Variants in LSAMP observed in about 807,000 individuals in gnomAD.
The protein encoded by LSAMP is limbic system associated membrane protein, also known as limbic system-associated membrane protein.
Under a neutral mutation model 38.6 loss-of-function variants are expected in LSAMP, and 7 were observed. The ratio of observed to expected loss-of-function variants is 0.18; its 90% confidence interval spans 0.10 to 0.34. The LOEUF is 0.34. Among genes scored for constraint, LSAMP ranks in the 10% least tolerant of loss-of-function variants. The probability of loss-of-function intolerance (pLI) is 1.00; values close to 1 mark genes in which losing one functional copy is unlikely to be tolerated. For missense variants in LSAMP, 313 were observed against 420.0 expected, an observed-to-expected ratio of 0.75 and a Z score of 2.23; for synonymous variants, 154 against 166.8, an observed-to-expected ratio of 0.92 and a Z score of 0.59.
At chr3:115,951,616 T>C (rs1456107814) in intron 3 of LSAMP, among the ~76,000 whole-genome samples, 1 of 152,146 alleles carries the variant, frequency 6.6e-6, no homozygotes, top group African/African-American at 2.4e-5. Flanking sequence ...TCTAATCAGC[T>C]GCCAGTGTGG....
chr3:116,435,255 C>A (rs2049334440), intron 1 of LSAMP, among the ~76,000 whole-genome samples: 1 of 152,104 alleles, frequency 6.6e-6, no homozygotes. Context: ...ACTAGGTTAC[C>A]CATCTTGGTA....
In LSAMP at chr3:115,806,471, A is replaced by C. The variant is rs1933633636; in HGVS notation, c.*3846T>G. ...ATCTGCGACTCTGGAGGATTCAAGA[A>C]GCTCACAACTTGGTAAAGTAATAAC... On this transcript the variant is annotated 3_prime_UTR_variant, in exon 7 of 7. Transcript: ENST00000490035. The C allele has an allele frequency of 6.6e-6, 1 of 152,246 alleles. No individual in the cohort carries two copies. The highest frequency in any genetic ancestry group is 1.5e-5 in the Non-Finnish European group (1 of 68,042). The allele number at this position is 152,246 out of a possible 1,614,324, so 9.4% of individuals were successfully genotyped here. A position where few individuals can be genotyped will look rare whatever the true frequency, so the allele number is the denominator to read the frequency against.
chr3:116,274,768 G>C, intron 1 of LSAMP, among the ~76,000 whole-genome samples: 1 of 151,574 alleles, frequency 6.6e-6, no homozygotes, highest in East Asian at 1.9e-4. Context: ...TAGGCAAAAG[G>C]TTTTGTGCCT....
At chr3:115,919,120 C>T (rs1231844801) in intron 3 of LSAMP, among the ~76,000 whole-genome samples, 3 of 152,086 alleles carry the variant, frequency 2.0e-5, no homozygotes, top group African/African-American at 4.8e-5. Context: ...ATTATGCTTC[C>T]TCCCTCCCCA....
chr3:116,001,054 G>A (rs187531569), intron 3 of LSAMP, among the ~76,000 whole-genome samples: 2 of 152,226 alleles, frequency 1.3e-5, no homozygotes, highest in East Asian at 3.9e-4. Flanking sequence ...TTTATCTGGT[G>A]CTCATCACCT....
At chr3:116,045,346 A>G (rs778267813) in intron 2 of LSAMP, among the ~76,000 whole-genome samples, 1 of 152,138 alleles carries the variant, frequency 6.6e-6, no homozygotes, top group Non-Finnish European at 1.5e-5. Context: ...TCAACATAAA[A>G]GTTTATAGAA....
chr3:115,992,287 T>C (rs900925567), intron 3 of LSAMP, among the ~76,000 whole-genome samples: 16 of 152,070 alleles, frequency 1.1e-4, no homozygotes, highest in African/African-American at 3.6e-4. Context: ...ATGGCAGCAG[T>C]AGTTGATGAG....
Position 115,913,881 on chromosome 3 carries a change from A to T in LSAMP, c.515-61264T>A, listed in dbSNP as rs1459536096. On this transcript the variant is annotated intron_variant, in intron 3 of 6. Transcript: ENST00000490035. The stretch of plus-strand genomic sequence containing the variant: ...AAATCCATCTATGTCACGCTGAATG[A>T]ACCATGTATTAAACGAATCATGTAT... 2.6e-5 allele frequency among the ~76,000 whole-genome samples: 4 copies of T among 152,296 alleles called. No homozygotes were observed. The East Asian group carries it at 7.7e-4, about 29-fold the overall frequency.
chr3:116,051,016 ATCT>A (rs1179846250), intron 2 of LSAMP: 2 of 152,186 alleles, frequency 1.3e-5, no homozygotes, highest in Non-Finnish European at 2.9e-5. Flanking sequence ...ATATAATAAA[ATCT>A]TCTTTCATGT....
chr3:116,171,345 A>G lies in LSAMP; in HGVS notation c.156-84789T>C, dbSNP rs1710193399. Among the ~76,000 whole-genome samples the G allele has an allele frequency of 2.6e-5, 4 of 152,308 alleles. No homozygotes were observed. The South Asian group carries it at 8.3e-4, about 32-fold the overall frequency. On this transcript the variant is annotated intron_variant, in intron 1 of 6. Transcript: ENST00000490035. ...TTAGCTAGAGATGAGATCACATTTC[A>G]TTGAATCATGCAGGAATATAGAAAC...
At chr3:116,292,244 C>A (rs6809953) in intron 1 of LSAMP, among the ~76,000 whole-genome samples, 34,984 of 152,046 alleles carry the variant, frequency 0.23, 7,282 homozygotes, top group African/African-American at 0.56. Flanking sequence ...ATTAACAGTC[C>A]GTGCATCAAG....
intron 6 of LSAMP, among the ~76,000 whole-genome samples, chr3:115,820,009 G>A (rs10934306): frequency 0.18 from 27,061 of 151,354 alleles, 2,803 homozygotes; most frequent in Admixed American, 0.24. Context: ...GGCAATAGTG[G>A]GAGAAATAAA....
intron 3 of LSAMP, among the ~76,000 whole-genome samples, chr3:115,969,931 C>T (rs1275234665): frequency 6.6e-6 from 1 of 152,064 alleles, no homozygotes; most frequent in Non-Finnish European, 1.5e-5. Flanking sequence ...TAATGTGTAC[C>T]ATGAATTCTC....
intron 1 of LSAMP, among the ~76,000 whole-genome samples, chr3:116,212,012 A>T (rs1372892248): frequency 6.6e-6 from 1 of 152,204 alleles, no homozygotes; most frequent in African/African-American, 2.4e-5. Flanking sequence ...GTCAGGTTAC[A>T]ATTGAGTTCT....
At chr3:116,280,848 G>A (rs2107681578) in intron 1 of LSAMP, among the ~76,000 whole-genome samples, 1 of 152,224 alleles carries the variant, frequency 6.6e-6, no homozygotes, top group South Asian at 2.1e-4. Flanking sequence ...GCCTCTTACA[G>A]AAAGCCCAGA....
At chr3:116,298,370 A>ATATT (rs896230764) in intron 1 of LSAMP, among the ~76,000 whole-genome samples, 1 of 152,000 alleles carries the variant, frequency 6.6e-6, no homozygotes, top group African/African-American at 2.4e-5. Context: ...CAGCAGCTTT[A>ATATT]TATTTGCTGG....
rs539793124 is a variant in LSAMP, at chr3:116,209,314, A to C, written c.156-122758T>G. Among the ~76,000 whole-genome samples, 630 of 152,216 alleles carry C rather than the reference A, an allele frequency of 4.1e-3. 6 individuals are homozygous for C. The highest frequency in any genetic ancestry group is 0.014 in the African/African-American group (592 of 41,536). On this transcript the variant is annotated intron_variant, in intron 1 of 6. Transcript: ENST00000490035. The stretch of plus-strand genomic sequence containing the variant: ...GCCCACTGTCTGACACTCCCTAGTG[A>C]GATGAACCCAGTACCTCAGATGGAA...
At chr3:115,897,725 A>G (rs1936764793) in intron 3 of LSAMP, among the ~76,000 whole-genome samples, 1 of 152,154 alleles carries the variant, frequency 6.6e-6, no homozygotes, top group Non-Finnish European at 1.5e-5. Flanking sequence ...TTTGTTAAAA[A>G]TAGAACGTGT....
chr3:116,316,813 A>G (rs2047635599), intron 1 of LSAMP, among the ~76,000 whole-genome samples: 1 of 151,572 alleles, frequency 6.6e-6, no homozygotes, highest in Admixed American at 6.6e-5. Context: ...AAAGAAAGGT[A>G]AGGAAAGTAA....
Sources: gnomAD v4.1 joint callset for allele counts (sites outside exome capture counted in the v4.1 genomes callset) on GRCh38, gnomAD v4.1.1 for gene constraint, MANE v1.5 for transcripts, NCBI Gene and HGNC (gene_info 2026-07-23, HGNC 2026-07-21) for gene names.